Variants in SH3KBP1 observed in about 807,000 individuals in gnomAD.
SH3KBP1 encodes SH3 domain-containing kinase-binding protein 1.
SH3KBP1 carries 8 observed loss-of-function variants against 50.1 expected under a neutral mutation model. The observed-to-expected ratio is 0.16, with a 90% CI of 0.09 to 0.29. SH3KBP1 has a LOEUF of 0.29. Among genes scored for constraint, SH3KBP1 ranks in the 10% least tolerant of loss-of-function variants. The probability of loss-of-function intolerance (pLI) is 1.00; values close to 1 mark genes in which losing one functional copy is unlikely to be tolerated. For missense variants in SH3KBP1, 377 were observed against 535.2 expected (o/e 0.70, Z 2.92); for synonymous variants, 227 against 218.6 (o/e 1.04, Z -0.34).
chrX:19,648,066 C>G (rs2062028577), intron 6 of SH3KBP1: 1 of 375,298 alleles, frequency 2.7e-6, no homozygotes, highest in South Asian at 2.3e-5. Flanking sequence ...CCTCTCTTCT[C>G]TCTCTCCTTT....
At chrX:19,741,602 A>G (rs1323943443) in intron 3 of SH3KBP1, among the ~76,000 whole-genome samples, 2 of 112,344 alleles carry the variant, frequency 1.8e-5, no homozygotes, top group Non-Finnish European at 3.8e-5. Context: ...ACAAGGACAT[A>G]TAAAGCCAAC....
intron 2 of SH3KBP1, among the ~76,000 whole-genome samples, chrX:19,772,262 T>C (rs1415108072): frequency 9.0e-6 from 1 of 111,678 alleles, no homozygotes; most frequent in Non-Finnish European, 1.9e-5. Flanking sequence ...TAAGAGAGTC[T>C]GTTCATCTTC....
At chrX:19,797,836 A>G (rs757861446) in intron 2 of SH3KBP1, among the ~76,000 whole-genome samples, 65 of 109,859 alleles carry the variant, frequency 5.9e-4, no homozygotes, top group Non-Finnish European at 9.7e-4. Flanking sequence ...CTCACAGCAA[A>G]TATAAAGCAC....
chrX:19,774,694 G>GAAAGAAAGAA (rs1488765540), intron 2 of SH3KBP1, among the ~76,000 whole-genome samples: 1 of 97,592 alleles, frequency 1.0e-5, no homozygotes, highest in African/African-American at 4.2e-5. Flanking sequence ...AAGAAAGAAA[G>GAAAGAAAGAA]AAAGAAAGAA....
At chrX:19,545,343 T>C (rs1043576604) in intron 15 of SH3KBP1, among the ~76,000 whole-genome samples, 1 of 112,429 alleles carries the variant, frequency 8.9e-6, no homozygotes, top group South Asian at 3.6e-4. Context: ...TAGCTAAAAG[T>C]TAAATGTCTT....
At chrX:19,810,552 T>C (rs2067176446) in intron 2 of SH3KBP1, among the ~76,000 whole-genome samples, 1 of 112,024 alleles carries the variant, frequency 8.9e-6, no homozygotes, top group Non-Finnish European at 1.9e-5. Context: ...TTGTCAACTG[T>C]ATTACGTTGT....
Position 19,608,448 on chromosome X carries a change from C to T in SH3KBP1, c.898-403G>A, listed in dbSNP as rs184483378. Among the ~76,000 whole-genome samples the T allele has an allele frequency of 2.6e-3, 285 of 108,626 alleles. 4 individuals carry two copies. Among genetic ancestry groups the T allele is most frequent in the African/African-American group, 9.3e-3 (276 of 29,782 alleles). 94.3% of individuals were successfully genotyped at this position (108,626 alleles called of 115,157 possible). A position where few individuals can be genotyped will look rare whatever the true frequency, so the allele number is the denominator to read the frequency against. On this transcript the variant is annotated intron_variant, in intron 8 of 17. Coordinates refer to ENST00000397821, the MANE Select transcript of SH3KBP1 (RefSeq NM_031892.3). ...CTCAGCCTCCCAGCAGCTGGGATTA[C>T]AGGCACGTGCCACAATGCCTGGCTA... is the stretch of plus-strand genomic sequence containing the variant.
chrX:19,748,140 T>G (rs935556934), intron 2 of SH3KBP1, among the ~76,000 whole-genome samples: 1 of 112,081 alleles, frequency 8.9e-6, no homozygotes, highest in East Asian at 2.8e-4. Flanking sequence ...TCATTTTCCA[T>G]CGCAGTGTGG....
chrX:19,588,200 G>A, intron 12 of SH3KBP1: 1 of 479,544 alleles, frequency 2.1e-6, no homozygotes, highest in Non-Finnish European at 3.1e-6. Flanking sequence ...AGGGAGCCTG[G>A]GCTATGGAAA....
intron 8 of SH3KBP1, among the ~76,000 whole-genome samples, chrX:19,610,983 C>G (rs2067395710): frequency 9.0e-6 from 1 of 110,991 alleles, no homozygotes; most frequent in African/African-American, 3.3e-5. Context: ...TTCTTGGGTT[C>G]AAGAGATCCT....
chrX:19,601,250 T>C (rs2148060730), intron 9 of SH3KBP1, among the ~76,000 whole-genome samples: 1 of 111,282 alleles, frequency 9.0e-6, no homozygotes. Flanking sequence ...AGGAAGGAAA[T>C]AGATATAAAC....
chrX:19,789,676 T>G (rs1465674957), intron 2 of SH3KBP1, among the ~76,000 whole-genome samples: 1 of 108,215 alleles, frequency 9.2e-6, no homozygotes, highest in African/African-American at 3.4e-5. Flanking sequence ...CTTAATCACC[T>G]CTTTAAAGGA....
At chrX:19,645,570 T>C in intron 6 of SH3KBP1, 95 bp from the exon 7 acceptor site, 3 of 745,181 alleles carry the variant, frequency 4.0e-6, no homozygotes, top group Admixed American at 5.0e-5. Context: ...ATGCTCGAAA[T>C]TGGTTTAAAA....
intron 2 of SH3KBP1, among the ~76,000 whole-genome samples, chrX:19,796,990 C>T (rs2066733266): frequency 8.9e-6 from 1 of 112,273 alleles, no homozygotes; most frequent in Admixed American, 9.4e-5. Flanking sequence ...TTATCCAAAG[C>T]AACTATTCAT....
At chrX:19,790,790 C>G (rs1444822066) in intron 2 of SH3KBP1, among the ~76,000 whole-genome samples, 1 of 110,474 alleles carries the variant, frequency 9.1e-6, no homozygotes, top group Admixed American at 9.6e-5. Flanking sequence ...CCATTTGATA[C>G]AGTGTACCAA....
chrX:19,566,446 A>G (rs1390076131), intron 13 of SH3KBP1, among the ~76,000 whole-genome samples: 1 of 111,171 alleles, frequency 9.0e-6, no homozygotes, highest in Non-Finnish European at 1.9e-5. Context: ...AGCAAGCAAG[A>G]CAGATTATCC....
chrX:19,695,502 G>A (rs754647952), intron 5 of SH3KBP1, 110 bp downstream of exon 5: 8 of 975,683 alleles, frequency 8.2e-6, no homozygotes, highest in Admixed American at 2.8e-5. Flanking sequence ...AAAAATACTC[G>A]TAAGCGTTTA....
At chrX:19,536,829 C>A (rs1249690668) in intron 17 of SH3KBP1, among the ~76,000 whole-genome samples, 1 of 111,792 alleles carries the variant, frequency 8.9e-6, no homozygotes, top group Non-Finnish European at 1.9e-5. Flanking sequence ...TCTGTCAGCA[C>A]CCCCAAAATG....
intron 2 of SH3KBP1, among the ~76,000 whole-genome samples, chrX:19,779,037 T>A (rs1425023801): frequency 9.2e-6 from 1 of 109,258 alleles, no homozygotes; most frequent in East Asian, 2.9e-4. Flanking sequence ...GGCTCACACC[T>A]GTAATCCCAA....
Sources: allele counts gnomAD v4.1 joint callset (sites outside exome capture counted in the v4.1 genomes callset), GRCh38; gene constraint gnomAD v4.1.1; transcripts MANE v1.5; gene names NCBI Gene and HGNC (gene_info 2026-07-23, HGNC 2026-07-21).